Variants in NRDC observed in about 807,000 individuals in gnomAD.
The protein encoded by NRDC is nardilysin convertase.
In NRDC, 54 loss-of-function variants were observed where a neutral mutation model predicts 147.1. The ratio of observed to expected loss-of-function variants is 0.37; its 90% CI spans 0.29 to 0.46. The LOEUF is 0.46. Ranked by LOEUF, NRDC falls within the 20% of genes least tolerant of loss-of-function variation. The pLI, the probability that NRDC is intolerant of heterozygous loss-of-function variation, is 1.00. For synonymous variants in NRDC, 440 were observed against 482.1 expected (o/e 0.91, Z 1.14); for missense variants, 1,082 against 1,370.6 (o/e 0.79, Z 3.33).
At chr1:51,870,299 G>A (rs562199313) in intron 1 of NRDC, among the ~76,000 whole-genome samples, 2 of 152,182 alleles carry the variant, frequency 1.3e-5, no homozygotes, top group Non-Finnish European at 2.9e-5. Context: ...ATCAGCTACA[G>A]AAAGACTAGT....
chr1:51,800,696 GA>G lies in NRDC; in HGVS notation c.2314-14del, dbSNP rs2149192046. ...GCTGAAACAGTAGCTAAAAGAAAAA[GA>G]AGGAAGCATTTTAAGAAGCATGGAA... On this transcript the variant is annotated splice_polypyrimidine_tract_variant and intron_variant, in intron 20 of 30. Coordinates refer to ENST00000352171, the MANE Select transcript of NRDC (RefSeq NM_001101662.2). The G allele has an allele frequency of 6.2e-7, 1 of 1,609,042 alleles. No homozygotes were observed. The highest frequency in any genetic ancestry group is 8.5e-7 in the Non-Finnish European group (1 of 1,178,134).
Position 51,800,681 on chromosome 1 carries a change from T to C in NRDC, c.2316A>G (p.Leu772=), listed in dbSNP as rs543806117. The C allele has an allele frequency of 1.3e-5, 21 of 1,610,448 alleles. No homozygotes were observed. The East Asian group carries it at 4.2e-4, about 33-fold the overall frequency. ...RVKGFNHKLP[L]LFQLIIDYLA... ...AGTAGTCAATAATGAGCTGAAACAG[T>C]AGCTAAAAGAAAAAGAAGGAAGCAT... The change falls in exon 21 of 31, where the codon CTA becomes CTG. Residue 772 remains leucine (L), a splice_region_variant and synonymous_variant. Transcript: ENST00000352171.
At chr1:51,870,326 C>T (rs1286502978) in intron 1 of NRDC, among the ~76,000 whole-genome samples, 3 of 152,190 alleles carry the variant, frequency 2.0e-5, no homozygotes, top group African/African-American at 7.2e-5. Flanking sequence ...TGTGTCAACA[C>T]AACTGACACA....
chr1:51,823,021 T>G (rs553729421), intron 7 of NRDC, among the ~76,000 whole-genome samples: 1 of 152,228 alleles, frequency 6.6e-6, no homozygotes, highest in African/African-American at 2.4e-5. Flanking sequence ...TTTACTAACT[T>G]TGAAAAACAA....
chr1:51,836,010 CT>C (rs976342048), intron 3 of NRDC, 120 bp downstream of exon 3: 5 of 759,604 alleles, frequency 6.6e-6, no homozygotes, highest in African/African-American at 5.3e-5. Context: ...TTTTCTTAGC[CT>C]TTTCTCTTGC....
At chr1:51,790,820 T>C in intron 28 of NRDC, 80 bp downstream of exon 28, 2 of 1,223,222 alleles carry the variant, frequency 1.6e-6, no homozygotes, top group Non-Finnish European at 2.4e-6. Context: ...GCTCAAAAAC[T>C]GGCCGGCGAA....
intron 12 of NRDC, 26 bp from the exon 13 acceptor site, chr1:51,814,635 T>G (rs1443900777): frequency 6.2e-7 from 1 of 1,610,064 alleles, no homozygotes; most frequent in East Asian, 2.2e-5. Context: ...CCAATTAGTC[T>G]TTTGCATAAA....
intron 6 of NRDC, 40 bp downstream of exon 6, chr1:51,825,247 C>T: frequency 8.1e-7 from 1 of 1,229,822 alleles, no homozygotes; most frequent in South Asian, 1.3e-5. Flanking sequence ...TAAATCTTAA[C>T]TAGAAAATAT....
intron 1 of NRDC, among the ~76,000 whole-genome samples, chr1:51,874,938 G>A (rs1255341402): frequency 3.3e-5 from 5 of 152,202 alleles, no homozygotes; most frequent in Non-Finnish European, 7.3e-5. Flanking sequence ...TCCTCTAAAT[G>A]GGTCCTCCTC....
chr1:51,820,151 T>A (rs137964240), intron 8 of NRDC, among the ~76,000 whole-genome samples: 4,423 of 152,268 alleles, frequency 0.029, 102 homozygotes, highest in South Asian at 0.1. Context: ...ACTGACTCTA[T>A]CAGCCTCATT....
intron 26 of NRDC, 118 bp downstream of exon 26, chr1:51,791,928 C>A: frequency 9.7e-7 from 1 of 1,031,162 alleles, no homozygotes. Flanking sequence ...GACTAAATAT[C>A]ACCCTATGAG....
At chr1:51,805,584 TAAA>T in intron 18 of NRDC, 23 bp from the exon 19 acceptor site, 1 of 1,503,154 alleles carries the variant, frequency 6.7e-7, no homozygotes, top group African/African-American at 1.4e-5. Flanking sequence ...AGACCATAGA[TAAA>T]AAAGGTTAGG....
Position 51,800,683 on chromosome 1 carries a change from G to A in NRDC, c.2314C>T (p.Leu772=). The stretch of plus-strand genomic sequence containing the variant: ...TAGTCAATAATGAGCTGAAACAGTA[G>A]CTAAAAGAAAAAGAAGGAAGCATTT... ...RVKGFNHKLP[L]LFQLIIDYLA... is the part of the protein sequence containing the mutation. Residue 772 remains leucine, a splice_region_variant and synonymous_variant, in exon 21 of 31, where the codon CTA becomes TTA. Transcript: ENST00000352171. 6.2e-7 allele frequency: 1 copy of A among 1,609,884 alleles called. No homozygotes were observed. The highest frequency in any genetic ancestry group is 8.5e-7 in the Non-Finnish European group (1 of 1,178,608).
intron 1 of NRDC, among the ~76,000 whole-genome samples, chr1:51,847,788 C>T (rs1269233114): frequency 3.9e-5 from 6 of 152,234 alleles, no homozygotes; most frequent in Non-Finnish European, 7.3e-5. Flanking sequence ...CCGGCTCCAG[C>T]CTCCGCCATC....
chr1:51,798,162 TA>T, intron 22 of NRDC, 86 bp downstream of exon 22: 1 of 1,385,452 alleles, frequency 7.2e-7, no homozygotes, highest in Non-Finnish European at 1.0e-6. Context: ...CTGCCAAAAC[TA>T]CAGCTTCCCC....
At chr1:51,844,375 T>C (rs1277923330) in intron 1 of NRDC, among the ~76,000 whole-genome samples, 3 of 152,136 alleles carry the variant, frequency 2.0e-5, no homozygotes, top group East Asian at 3.9e-4. Context: ...ATGGTATCCT[T>C]ATAAAATGAA....
intron 1 of NRDC, among the ~76,000 whole-genome samples, chr1:51,862,619 G>A (rs1265029668): frequency 6.6e-6 from 1 of 152,014 alleles, no homozygotes; most frequent in Non-Finnish European, 1.5e-5. Flanking sequence ...AGCTACTCAG[G>A]AGGCTGAGGT....
At chr1:51,793,601 C>G (rs1311919672) in intron 24 of NRDC, among the ~76,000 whole-genome samples, 1 of 152,162 alleles carries the variant, frequency 6.6e-6, no homozygotes, top group African/African-American at 2.4e-5. Context: ...GACAGCCAGA[C>G]CAGGATAATG....
intron 14 of NRDC, among the ~76,000 whole-genome samples, chr1:51,813,123 TA>T (rs1177471722): frequency 6.6e-5 from 10 of 152,048 alleles, no homozygotes; most frequent in Non-Finnish European, 1.5e-4. Flanking sequence ...ATTAAAATTT[TA>T]AAAAAATTAA....
Sources: gnomAD v4.1 joint callset for allele counts (sites outside exome capture counted in the v4.1 genomes callset) on GRCh38, gnomAD v4.1.1 for gene constraint, MANE v1.5 for transcripts, NCBI Gene and HGNC (gene_info 2026-07-23, HGNC 2026-07-21) for gene names.